The following PHACTR1 variants were observed in gnomAD, a reference collection of about 807,000 sequenced individuals.
The protein encoded by PHACTR1 is RPEL repeat containing 1.
PHACTR1 carries 16 observed loss-of-function variants against 69.2 expected under a neutral mutation model. The observed-to-expected ratio is 0.23, with a 90% CI of 0.16 to 0.35. PHACTR1 has a LOEUF of 0.35. PHACTR1 is among the 10% of genes least tolerant of loss of function. PHACTR1 has a pLI of 1.00. For missense variants in PHACTR1, 510 were observed against 734.7 expected, an observed-to-expected ratio of 0.69 and a Z score of 3.54; for synonymous variants, 312 against 284.5, an observed-to-expected ratio of 1.10 and a Z score of -0.97.
chr6:12,986,234 C>T (rs4711899), intron 4 of PHACTR1, among the ~76,000 whole-genome samples: 75,161 of 152,004 alleles, frequency 0.49, 20,226 homozygotes, highest in African/African-American at 0.71. Context: ...TCAGTGGGGG[C>T]TTCAGTGACG....
intron 6 of PHACTR1, among the ~76,000 whole-genome samples, chr6:13,167,849 C>T (rs946954781): frequency 6.6e-6 from 1 of 152,086 alleles, no homozygotes; most frequent in Non-Finnish European, 1.5e-5. Context: ...ACACAGGGGT[C>T]GCATTTTTCG....
At chr6:13,268,131 G>A (rs1777075199) in intron 10 of PHACTR1, among the ~76,000 whole-genome samples, 2 of 152,172 alleles carry the variant, frequency 1.3e-5, no homozygotes, top group African/African-American at 4.8e-5. Flanking sequence ...GCTGGGCGTG[G>A]TGGCACACAC....
intron 4 of PHACTR1, among the ~76,000 whole-genome samples, chr6:12,897,663 A>T (rs1158003268): frequency 6.6e-6 from 1 of 151,742 alleles, no homozygotes; most frequent in Non-Finnish European, 1.5e-5. Context: ...CTTATTGTGT[A>T]TTTGTTCTAA....
chr6:13,214,557 G>C (rs536758494), intron 8 of PHACTR1, among the ~76,000 whole-genome samples: 1 of 152,236 alleles, frequency 6.6e-6, no homozygotes, highest in Non-Finnish European at 1.5e-5. Context: ...GTAGGGAATC[G>C]TATTTGATAG....
At chr6:13,240,663 T>G (rs1379709666) in intron 10 of PHACTR1, among the ~76,000 whole-genome samples, 1 of 152,120 alleles carries the variant, frequency 6.6e-6, no homozygotes, top group Non-Finnish European at 1.5e-5. Context: ...GTTGGGCTGG[T>G]CTCAAACTCC....
chr6:12,834,884 G>A (rs192000076), intron 4 of PHACTR1, among the ~76,000 whole-genome samples: 1 of 148,204 alleles, frequency 6.7e-6, no homozygotes, highest in African/African-American at 2.4e-5. Flanking sequence ...GAACCTCCTA[G>A]AACAGAATGA....
At chr6:13,230,889 G>T (rs1411125475) in intron 10 of PHACTR1, among the ~76,000 whole-genome samples, 2 of 152,118 alleles carry the variant, frequency 1.3e-5, no homozygotes, top group Non-Finnish European at 2.9e-5. Context: ...GGTGGCACAT[G>T]CCTGTGGTCC....
At chr6:12,733,032 G>A (rs996812137) in intron 3 of PHACTR1, among the ~76,000 whole-genome samples, 1 of 152,088 alleles carries the variant, frequency 6.6e-6, no homozygotes, top group Non-Finnish European at 1.5e-5. Context: ...AATCTATATT[G>A]GGTGGTTCTT....
chr6:12,755,613 G>GT (rs1767218925), intron 4 of PHACTR1, among the ~76,000 whole-genome samples: 1 of 151,872 alleles, frequency 6.6e-6, no homozygotes, highest in African/African-American at 2.4e-5. Context: ...CAAAATATTA[G>GT]TTATATTTTT....
intron 4 of PHACTR1, among the ~76,000 whole-genome samples, chr6:12,981,331 A>G (rs1333243291): frequency 6.6e-6 from 1 of 152,224 alleles, no homozygotes. Flanking sequence ...AAGCAAGCTA[A>G]TTGGAACTGT....
chr6:13,166,497 G>T (rs1221997554), intron 6 of PHACTR1, among the ~76,000 whole-genome samples: 1 of 152,164 alleles, frequency 6.6e-6, no homozygotes, highest in Non-Finnish European at 1.5e-5. Flanking sequence ...ATGCAGGCAT[G>T]AGGTAATTTC....
Position 13,283,825 on chromosome 6 carries a change from GAA to G in PHACTR1, c.1650+265_1650+266del. ...AGCAGCCTGGGAGGCTGTGCCCAGA[GAA>G]AGAGAATAGCACTGGATAGGTGTAG... On this transcript the variant is annotated intron_variant, in intron 13 of 14. Transcript: ENST00000332995. The surrounding 1 kb of genome is among the most constrained non-coding windows in gnomAD (Gnocchi z 4.7). 1 of 492,890 alleles carries G rather than the reference GAA, an allele frequency of 2.0e-6. No individual in the cohort carries two copies. The allele number at this position is 492,890 out of a possible 1,614,324, so 30.5% of individuals were successfully genotyped here.
At chr6:12,743,635 T>G (rs1282768919) in intron 3 of PHACTR1, among the ~76,000 whole-genome samples, 1 of 152,122 alleles carries the variant, frequency 6.6e-6, no homozygotes, top group Non-Finnish European at 1.5e-5. Context: ...GCACCCAATA[T>G]GGGAGCACCC....
intron 4 of PHACTR1, among the ~76,000 whole-genome samples, chr6:13,006,424 C>CA (rs921347352): frequency 4.6e-5 from 7 of 152,132 alleles, no homozygotes; most frequent in African/African-American, 1.4e-4. Flanking sequence ...CATTTTGACT[C>CA]AGAGTTCTAC....
chr6:12,859,089 T>A (rs1780687744), intron 4 of PHACTR1, among the ~76,000 whole-genome samples: 1 of 152,132 alleles, frequency 6.6e-6, no homozygotes, highest in East Asian at 1.9e-4. Flanking sequence ...ACCCTAAATA[T>A]ACAATTTCTC....
intron 4 of PHACTR1, among the ~76,000 whole-genome samples, chr6:12,924,168 C>T (rs1788008852): frequency 6.6e-6 from 1 of 152,106 alleles, no homozygotes; most frequent in African/African-American, 2.4e-5. Context: ...ACTTTATAAA[C>T]TGCTGAGACT....
intron 3 of PHACTR1, among the ~76,000 whole-genome samples, chr6:12,730,868 A>G (rs1749287503): frequency 6.6e-6 from 1 of 152,120 alleles, no homozygotes; most frequent in Admixed American, 6.6e-5. Context: ...TTGCTGCATT[A>G]GTTTGGTAAG....
intron 5 of PHACTR1, among the ~76,000 whole-genome samples, chr6:13,136,182 C>T (rs1400522042): frequency 1.3e-5 from 2 of 151,152 alleles, no homozygotes; most frequent in East Asian, 1.9e-4. Flanking sequence ...ATAAAATGAA[C>T]GTATCCTAAA....
At position 13,118,898 on chromosome 6, in the gene PHACTR1, C is replaced by T. The variant is rs191503856; in HGVS notation, c.416-41306C>T. 5.4e-3 allele frequency among the ~76,000 whole-genome samples: 828 copies of T among 152,232 alleles called. 15 individuals are homozygous for T. Among genetic ancestry groups the T allele is most frequent in the Admixed American group, 0.044 (669 of 15,288 alleles). On this transcript the variant is annotated intron_variant, in intron 5 of 14. Transcript: ENST00000332995. Reference sequence around the variant, plus strand: ...TAGACTCACTTTTGGATGATTCTTGCGGTGCTCTGAGCCTCAGTTGCCTCA... The same window carrying T: ...TAGACTCACTTTTGGATGATTCTTGTGGTGCTCTGAGCCTCAGTTGCCTCA...
Sources: gnomAD v4.1 joint callset for allele counts (sites outside exome capture counted in the v4.1 genomes callset) on GRCh38, gnomAD v4.1.1 for gene constraint, Gnocchi (gnomAD v3.1) non-coding constraint, MANE v1.5 for transcripts, NCBI Gene and HGNC (gene_info 2026-07-23, HGNC 2026-07-21) for gene names.